CPT1A: variants seen among roughly 807,000 people sequenced by gnomAD.
The protein encoded by CPT1A is carnitine O-palmitoyltransferase 1, liver isoform.
CPT1A carries 64 observed loss-of-function variants against 100.8 expected under a neutral mutation model. The observed-to-expected ratio is 0.63, with a 90% CI of 0.52 to 0.78. The LOEUF is 0.78. Ranked by LOEUF, CPT1A falls within the 30% of genes least tolerant of loss-of-function variation. The pLI is 0.00. For synonymous variants in CPT1A, 363 were observed against 396.0 expected, an observed-to-expected ratio of 0.92 and a Z score of 0.99; for missense variants, 802 against 1,034.1, an observed-to-expected ratio of 0.78 and a Z score of 3.08.
At chr11:68,807,733 G>A in intron 3 of CPT1A, 95 bp from the exon 4 acceptor site, 4 of 1,248,674 alleles carry the variant, frequency 3.2e-6, no homozygotes, top group Non-Finnish European at 3.4e-6. Context: ...GTGCTGCAGG[G>A]TCCAGCAGCC....
rs1946713174 is a variant in CPT1A at position 68,757,443 on chromosome 11, G to A, written c.*201C>T. 1.2e-5 allele frequency: 17 copies of A among 1,441,936 alleles called. No homozygotes were observed. In the Middle Eastern group the frequency reaches 1.5e-3, roughly 129 times the overall value. 89.3% of individuals were successfully genotyped at this position (1,441,936 alleles called of 1,614,324 possible). A position where few individuals can be genotyped will look rare whatever the true frequency, so the allele number is the denominator to read the frequency against. On this transcript the variant is annotated 3_prime_UTR_variant, in exon 19 of 19. Transcript: ENST00000265641. ...TTTATCAGATGTCCCCCAAGGGAGG[G>A]CAAGTCTGGAAGTAGTGGGGTTATG...
intron 14 of CPT1A, among the ~76,000 whole-genome samples, chr11:68,764,884 G>A (rs182715830): frequency 1.2e-4 from 19 of 152,392 alleles, no homozygotes; most frequent in Non-Finnish European, 2.5e-4. Flanking sequence ...AGCACTTGCA[G>A]TGAGGACCTG....
Position 68,812,522 on chromosome 11 carries a change from C to T in CPT1A, c.196G>A (p.Val66Met). The change falls in exon 3 of 19, where the codon GTG becomes ATG. Residue 66 changes from valine (V) to methionine (M), a missense_variant. Val to Met is a conservative substitution (Grantham distance 21). Transcript: ENST00000265641. ...TACATCGTTGTCATCACGCCCACCA[C>T]CACGATAAGCCAACTGGAGGGGCTT... Reference protein sequence around the residue: ...PASPSSWLIVVVGVMTTMYAK... With the variant: ...PASPSSWLIVMVGVMTTMYAK... 6.2e-7 allele frequency: 1 copy of T among 1,614,204 alleles called. No homozygotes were observed. Among genetic ancestry groups the T allele is most frequent in the Non-Finnish European group, 8.5e-7 (1 of 1,180,036 alleles).
intron 4 of CPT1A, among the ~76,000 whole-genome samples, chr11:68,807,136 C>A (rs1856067455): frequency 6.6e-6 from 1 of 152,058 alleles, no homozygotes; most frequent in Non-Finnish European, 1.5e-5. Flanking sequence ...CTAAGGTAAC[C>A]ATTTAATGCC....
intron 1 of CPT1A, chr11:68,839,483 G>C: frequency 1.0e-6 from 1 of 984,086 alleles, no homozygotes; most frequent in African/African-American, 1.7e-5. Flanking sequence ...TGCCCACAGA[G>C]ACCTTCCGGA....
intron 1 of CPT1A, among the ~76,000 whole-genome samples, chr11:68,837,509 C>T (rs537961629): frequency 7.7e-4 from 117 of 152,276 alleles, no homozygotes; most frequent in Non-Finnish European, 1.5e-3. Context: ...AGAATAGGGA[C>T]GTGGTCTCGG....
At chr11:68,789,878 C>T (rs950983586) in intron 9 of CPT1A, among the ~76,000 whole-genome samples, 2 of 152,124 alleles carry the variant, frequency 1.3e-5, no homozygotes, top group African/African-American at 2.4e-5. Flanking sequence ...TGAGCACTTA[C>T]CCTCAATTTG....
intron 1 of CPT1A, among the ~76,000 whole-genome samples, chr11:68,834,361 G>A (rs1041957624): frequency 2.6e-5 from 4 of 152,076 alleles, no homozygotes; most frequent in Non-Finnish European, 2.9e-5. Context: ...GCTTGAACCC[G>A]GGAGGCAGAG....
At chr11:68,793,783 G>A (rs1396635785) in intron 8 of CPT1A, among the ~76,000 whole-genome samples, 2 of 151,730 alleles carry the variant, frequency 1.3e-5, no homozygotes, top group African/African-American at 4.8e-5. Flanking sequence ...GCAGCAAGCA[G>A]CAAGCAAGTT....
intron 12 of CPT1A, among the ~76,000 whole-genome samples, chr11:68,777,298 C>T (rs1007643311): frequency 1.3e-5 from 2 of 151,710 alleles, no homozygotes; most frequent in Admixed American, 6.6e-5. Context: ...GGCGTGGTGG[C>T]GCACACCTGT....
At chr11:68,775,081 T>C (rs1269053457) in intron 13 of CPT1A, among the ~76,000 whole-genome samples, 1 of 152,152 alleles carries the variant, frequency 6.6e-6, no homozygotes, top group Non-Finnish European at 1.5e-5. Context: ...GCGCTGACAG[T>C]CTTAGCCAGG....
Position 68,757,610 on chromosome 11 carries a change from G to T in CPT1A, c.*34C>A, listed in dbSNP as rs1946715883. 1 of 1,613,960 alleles carries T rather than the reference G, an allele frequency of 6.2e-7. No homozygotes were observed. ...ATTTTTCATTTGGTTTGCATCAGAA[G>T]AGCTCGTTTTCCTTCCCAGCAGCTC... On this transcript the variant is annotated 3_prime_UTR_variant, in exon 19 of 19. Coordinates refer to ENST00000265641, the MANE Select transcript of CPT1A (RefSeq NM_001876.4).
chr11:68,832,964 T>C (rs1057462103), intron 1 of CPT1A, among the ~76,000 whole-genome samples: 3 of 152,332 alleles, frequency 2.0e-5, no homozygotes, highest in South Asian at 2.1e-4. Context: ...TCAGAAGCAG[T>C]GTCTCTGGCG....
In CPT1A at chr11:68,815,480, G is replaced by C. The variant is rs561418145; in HGVS notation, c.-6C>G. ...GCTTGGTGAGCTTCTGCCATCTTCA[G>C]AGAGTACCTGGAAGGAGAAGGAGAA... On this transcript the variant is annotated 5_prime_UTR_variant, in exon 2 of 19. Coordinates refer to ENST00000265641, the MANE Select transcript of CPT1A (RefSeq NM_001876.4). 8.7e-6 allele frequency: 14 copies of C among 1,614,034 alleles called. No individual in the cohort carries two copies. The African/African-American group carries it at 9.3e-5, about 11-fold the overall frequency.
intron 12 of CPT1A, among the ~76,000 whole-genome samples, chr11:68,779,196 G>A (rs1249538501): frequency 1.3e-5 from 2 of 152,052 alleles, no homozygotes; most frequent in African/African-American, 2.4e-5. Flanking sequence ...TGACTTTCAG[G>A]TCATTTTATT....
intron 6 of CPT1A, among the ~76,000 whole-genome samples, 181 bp from the exon 7 acceptor site, chr11:68,797,114 G>A (rs1855776019): frequency 6.6e-6 from 1 of 152,142 alleles, no homozygotes; most frequent in Non-Finnish European, 1.5e-5. Flanking sequence ...GACACCGTGG[G>A]AAATGAAAAG....
chr11:68,824,706 A>G (rs1856676264), intron 1 of CPT1A, among the ~76,000 whole-genome samples: 1 of 150,704 alleles, frequency 6.6e-6, no homozygotes, highest in African/African-American at 2.4e-5. Context: ...CGTGGGTGTG[A>G]GCCATGGCAC....
At chr11:68,772,730 G>A (rs1454309522) in intron 14 of CPT1A, among the ~76,000 whole-genome samples, 1 of 152,076 alleles carries the variant, frequency 6.6e-6, no homozygotes, top group Non-Finnish European at 1.5e-5. Flanking sequence ...ATTTAATTTA[G>A]TATGGTGAAA....
At chr11:68,813,214 T>A (rs1856268908) in intron 2 of CPT1A, among the ~76,000 whole-genome samples, 1 of 151,996 alleles carries the variant, frequency 6.6e-6, no homozygotes, top group Non-Finnish European at 1.5e-5. Context: ...AGATATTGAT[T>A]TCACCAAGAT....
Sources: gnomAD v4.1 joint callset for allele counts (sites outside exome capture counted in the v4.1 genomes callset) on GRCh38, gnomAD v4.1.1 for gene constraint, MANE v1.5 for transcripts, NCBI Gene and HGNC (gene_info 2026-07-23, HGNC 2026-07-21) for gene names.